The following OSTN variants were observed in gnomAD, a reference collection of about 807,000 sequenced individuals.
The protein encoded by OSTN is osteocrin.
In OSTN, 9 loss-of-function variants were observed where a neutral mutation model predicts 12.0. The ratio of observed to expected loss-of-function variants is 0.75; its 90% CI spans 0.45 to 1.30. OSTN has a LOEUF of 1.30. Ranked by LOEUF, OSTN falls within the 50% of genes most tolerant of loss-of-function variation. The pLI is 0.00. For missense variants in OSTN, 148 were observed against 152.3 expected (o/e 0.97, Z 0.15); for synonymous variants, 59 against 56.9 (o/e 1.04, Z -0.16).
intron 4 of OSTN, among the ~76,000 whole-genome samples, chr3:191,254,521 C>T (rs1408228054): frequency 1.3e-5 from 2 of 152,138 alleles, no homozygotes; most frequent in Non-Finnish European, 2.9e-5. Flanking sequence ...AATTAAAAAC[C>T]TTAGTTTGGA....
chr3:191,229,971 CACA>C, intron 3 of OSTN: 1 of 151,506 alleles, frequency 6.6e-6, no homozygotes, highest in East Asian at 1.9e-4. Flanking sequence ...CAGGCTGAGG[CACA>C]AGAATCACTT....
chr3:191,253,351 A>G (rs1301252732), intron 4 of OSTN, among the ~76,000 whole-genome samples: 3 of 152,210 alleles, frequency 2.0e-5, no homozygotes, highest in South Asian at 2.1e-4. Flanking sequence ...CAGCTGCTCT[A>G]TGATGCCTAC....
At chr3:191,255,601 T>G (rs1277898085) in intron 4 of OSTN, among the ~76,000 whole-genome samples, 1 of 152,136 alleles carries the variant, frequency 6.6e-6, no homozygotes, top group African/African-American at 2.4e-5. Flanking sequence ...CTAAAAATGC[T>G]CACAAATAGT....
chr3:191,253,519 A>C (rs1033855613), intron 4 of OSTN, among the ~76,000 whole-genome samples: 1 of 152,240 alleles, frequency 6.6e-6, no homozygotes, highest in African/African-American at 2.4e-5. Context: ...TGCTTATATA[A>C]CATCTTAAGG....
chr3:191,233,442 T>C (rs911161259), intron 3 of OSTN, among the ~76,000 whole-genome samples: 14 of 152,142 alleles, frequency 9.2e-5, no homozygotes, highest in Non-Finnish European at 1.0e-4. Context: ...CTGTTTTCTT[T>C]TTTTCGTTTT....
intron 3 of OSTN, among the ~76,000 whole-genome samples, chr3:191,249,355 T>A (rs990367679): frequency 6.6e-6 from 1 of 152,222 alleles, no homozygotes; most frequent in African/African-American, 2.4e-5. Context: ...TGCATCTTAT[T>A]TTTAAAGGGG....
At chr3:191,215,163 T>G (rs554742039) in intron 2 of OSTN, among the ~76,000 whole-genome samples, 2 of 152,152 alleles carry the variant, frequency 1.3e-5, no homozygotes, top group African/African-American at 2.4e-5. Flanking sequence ...CTTCACAAGG[T>G]GGCGGGAAGG....
chr3:191,237,069 G>GA (rs1472356312), intron 3 of OSTN, among the ~76,000 whole-genome samples: 2 of 152,160 alleles, frequency 1.3e-5, no homozygotes, highest in Non-Finnish European at 2.9e-5. Context: ...AGCAGGAGGG[G>GA]AAAAATGGCA....
chr3:191,222,213 G>A (rs1714783339), intron 3 of OSTN, among the ~76,000 whole-genome samples: 1 of 152,176 alleles, frequency 6.6e-6, no homozygotes, highest in Non-Finnish European at 1.5e-5. Flanking sequence ...CCCACATAGA[G>A]TCCCCACTGC....
chr3:191,234,854 T>C (rs1234514284), intron 3 of OSTN, among the ~76,000 whole-genome samples: 3 of 151,878 alleles, frequency 2.0e-5, no homozygotes, highest in East Asian at 3.9e-4. Context: ...CCCCAAATTA[T>C]CTATTGCTTG....
chr3:191,246,698 T>C (rs1715440826), intron 3 of OSTN, among the ~76,000 whole-genome samples: 1 of 133,094 alleles, frequency 7.5e-6, no homozygotes. Flanking sequence ...AAGAGGAGGA[T>C]GAAAAGGAAG....
intron 3 of OSTN, among the ~76,000 whole-genome samples, chr3:191,237,977 G>A (rs952774459): frequency 6.6e-6 from 1 of 152,148 alleles, no homozygotes; most frequent in Non-Finnish European, 1.5e-5. Flanking sequence ...TGCCCTTCTT[G>A]ACAAAAATCC....
intron 3 of OSTN, among the ~76,000 whole-genome samples, chr3:191,230,562 C>CAAAAAAAA (rs35542147): frequency 5.5e-5 from 2 of 36,444 alleles, no homozygotes; most frequent in African/African-American, 2.0e-4. Context: ...GACTCCGTCT[C>CAAAAAAAA]AAAAAAAAAA....
chr3:191,255,123 ATTAG>A (rs1715642898), intron 4 of OSTN, among the ~76,000 whole-genome samples: 1 of 152,168 alleles, frequency 6.6e-6, no homozygotes. Context: ...ATCATCAAGC[ATTAG>A]TTAGACTCTC....
At chr3:191,249,401 G>T (rs544782246) in intron 3 of OSTN, among the ~76,000 whole-genome samples, 8 of 152,298 alleles carry the variant, frequency 5.3e-5, no homozygotes, top group Non-Finnish European at 7.4e-5. Flanking sequence ...AGTTATATTA[G>T]ACCTTTGGTA....
chr3:191,250,400 C>A (rs1715534459), intron 4 of OSTN, among the ~76,000 whole-genome samples: 1 of 152,074 alleles, frequency 6.6e-6, no homozygotes, highest in Non-Finnish European at 1.5e-5. Context: ...TGTAATTAAC[C>A]ATTGAATATT....
intron 3 of OSTN, among the ~76,000 whole-genome samples, chr3:191,227,767 T>G (rs895904812): frequency 6.6e-6 from 1 of 152,106 alleles, no homozygotes; most frequent in African/African-American, 2.4e-5. Context: ...TAATTTCGCT[T>G]GGATTAGTGA....
At chr3:191,213,494 A>C (rs1263340872) in intron 2 of OSTN, among the ~76,000 whole-genome samples, 1 of 152,132 alleles carries the variant, frequency 6.6e-6, no homozygotes. Flanking sequence ...AGCTATATTT[A>C]ATTGAATCAG....
intron 1 of OSTN, among the ~76,000 whole-genome samples, chr3:191,209,836 G>C (rs929056010): frequency 2.6e-5 from 4 of 151,754 alleles, no homozygotes; most frequent in African/African-American, 4.8e-5. Flanking sequence ...CATTTCTTGC[G>C]TTTGAAATAC....
Sources: allele counts gnomAD v4.1 joint callset (sites outside exome capture counted in the v4.1 genomes callset), GRCh38; gene constraint gnomAD v4.1.1; transcripts MANE v1.5; gene names NCBI Gene and HGNC (gene_info 2026-07-23, HGNC 2026-07-21).